The following NBPF8 variants were observed in gnomAD, a reference collection of about 807,000 sequenced individuals.
The protein encoded by NBPF8 is NBPF family member NBPF8.
At chr1:120,450,285 G>A (rs1454156299) in intron 11 of NBPF8, among the ~76,000 whole-genome samples, 2 of 152,038 alleles carry the variant, frequency 1.3e-5, no homozygotes, top group African/African-American at 2.4e-5. Context: ...GTAGCTTGGT[G>A]AGAGTGAAGT....
chr1:120,436,607 G>T (rs1280878605), exon 1 of NBPF8: 11 of 1,606,196 alleles, frequency 6.8e-6, no homozygotes, highest in Middle Eastern at 2.0e-4. Flanking sequence ...CCCCCAGTTG[G>T]CAGAGAACAA....
chr1:120,452,127 G>A (rs1661293511), exon 13 of NBPF8: 3 of 1,604,762 alleles, frequency 1.9e-6, no homozygotes, highest in Non-Finnish European at 2.6e-6. Flanking sequence ...GCAATATAAA[G>A]TCCTGGTTCA....
chr1:120,460,834 GACCAT>G (rs1661564189), intron 18 of NBPF8, among the ~76,000 whole-genome samples: 1 of 151,770 alleles, frequency 6.6e-6, no homozygotes, highest in Non-Finnish European at 1.5e-5. Context: ...AGTGAAAGTT[GACCAT>G]ACCTCAAAAG....
At chr1:120,424,411 A>C (rs1382736080) in intron 1 of NBPF8, among the ~76,000 whole-genome samples, 1 of 152,010 alleles carries the variant, frequency 6.6e-6, no homozygotes, top group Non-Finnish European at 1.5e-5. Context: ...ACATTTTCAC[A>C]TAATAATATT....
upstream of NBPF8, among the ~76,000 whole-genome samples, chr1:120,415,095 G>T (rs1553244869): frequency 5.9e-5 from 9 of 152,110 alleles, no homozygotes; most frequent in Non-Finnish European, 1.2e-4. Flanking sequence ...TTGAGACAGC[G>T]GCGGTATTGG....
chr1:120,459,978 T>C (rs1553250051), intron 17 of NBPF8, among the ~76,000 whole-genome samples: 1 of 152,132 alleles, frequency 6.6e-6, no homozygotes, highest in Non-Finnish European at 1.5e-5. Flanking sequence ...CAGTGAAAGA[T>C]GTGACCCAGG....
chr1:120,425,206 A>G (rs1442896800), intron 1 of NBPF8, among the ~76,000 whole-genome samples: 36 of 152,026 alleles, frequency 2.4e-4, no homozygotes, highest in African/African-American at 8.4e-4. Flanking sequence ...GTAAAAGAGG[A>G]AGGAAGGCCT....
chr1:120,425,682 T>C (rs1660709068), intron 1 of NBPF8, among the ~76,000 whole-genome samples: 2 of 151,392 alleles, frequency 1.3e-5, no homozygotes, highest in African/African-American at 4.9e-5. Context: ...TTCCACCTAA[T>C]GAGAAACGCC....
chr1:120,417,752 A>C (rs1553245419), upstream of NBPF8, among the ~76,000 whole-genome samples: 51 of 134,768 alleles, frequency 3.8e-4, no homozygotes, highest in African/African-American at 1.3e-3. Flanking sequence ...GGAGTGTGCC[A>C]CCATGCCTGG....
rs1660843528 is a variant in NBPF8, at chr1:120,430,410, A to G, written n.510+2563A>G. Among the ~76,000 whole-genome samples the G allele has an allele frequency of 4.9e-5, 6 of 122,218 alleles. No individual in the cohort carries two copies. In the South Asian group the frequency reaches 1.4e-3, roughly 28 times the overall value. 80.2% of individuals were successfully genotyped at this position (122,218 alleles called of 152,430 possible). Reference sequence around the variant, plus strand: ...GCAATGAGCATTTGGAAAATGAAATAAGAATACAATTTCATTTAAAGTAAC... The same window carrying G: ...GCAATGAGCATTTGGAAAATGAAATGAGAATACAATTTCATTTAAAGTAAC... On this transcript the variant is annotated intron_variant and non_coding_transcript_variant, in intron 3 of 28. Transcript: ENST00000652355.
upstream of NBPF8, among the ~76,000 whole-genome samples, chr1:120,434,334 ATATT>A (rs1661005801): frequency 6.1e-5 from 9 of 147,634 alleles, no homozygotes; most frequent in East Asian, 5.9e-4. Flanking sequence ...TATATTATAT[ATATT>A]CATGTGTGTG....
intron 16 of NBPF8, among the ~76,000 whole-genome samples, chr1:120,455,984 G>A (rs1460001652): frequency 6.6e-6 from 1 of 151,908 alleles, no homozygotes; most frequent in African/African-American, 2.4e-5. Flanking sequence ...TTTCTCATTG[G>A]TTTCAAAGAA....
chr1:120,463,055 G>A (rs1661636666), intron 21 of NBPF8, 89 bp downstream of exon 19: 4 of 649,252 alleles, frequency 6.2e-6, no homozygotes, highest in Admixed American at 2.6e-5. Flanking sequence ...TTACTGACCC[G>A]AGAGATGTCA....
chr1:120,428,196 A>T (rs1287332646), intron 3 of NBPF8, among the ~76,000 whole-genome samples: 1 of 152,158 alleles, frequency 6.6e-6, no homozygotes, highest in Non-Finnish European at 1.5e-5. Context: ...ACAGGTGGCC[A>T]TGAAACAGAT....
At chr1:120,460,742 C>T (rs12116474) in intron 18 of NBPF8, 118 bp downstream of exon 16, 133,269 of 971,540 alleles carry the variant, frequency 0.14, 20,260 homozygotes, top group East Asian at 0.64. Context: ...GTCTGAATTA[C>T]GCCTACTACA....
intron 1 of NBPF8, among the ~76,000 whole-genome samples, chr1:120,420,434 C>A (rs1660541843): frequency 3.0e-4 from 42 of 142,016 alleles, no homozygotes; most frequent in Non-Finnish European, 3.0e-5. Context: ...ATTCTCTGCC[C>A]CCATTTCCGT....
intron 1 of NBPF8, among the ~76,000 whole-genome samples, chr1:120,422,119 A>G (rs1320601833): frequency 1.3e-5 from 2 of 152,244 alleles, no homozygotes; most frequent in Non-Finnish European, 2.9e-5. Flanking sequence ...AGAAAAATGG[A>G]GTGGATAGTA....
chr1:120,434,472 A>C (rs1661015075), upstream of NBPF8, among the ~76,000 whole-genome samples: 1 of 146,252 alleles, frequency 6.8e-6, no homozygotes, highest in African/African-American at 2.5e-5. Flanking sequence ...CTCGTCATTT[A>C]CATTAGGTAT....
intron 1 of NBPF8, among the ~76,000 whole-genome samples, chr1:120,425,580 T>A (rs1262287873): frequency 6.6e-6 from 1 of 152,200 alleles, no homozygotes; most frequent in East Asian, 1.9e-4. Context: ...AGTGCCAGCA[T>A]GGGTCCTCCG....
Sources: gnomAD v4.1 joint callset for allele counts (sites outside exome capture counted in the v4.1 genomes callset) on GRCh38, gnomAD v4.1.1 for gene constraint, MANE v1.5 for transcripts, NCBI Gene and HGNC (gene_info 2026-07-23, HGNC 2026-07-21) for gene names.